ERC2: variants seen among roughly 807,000 people sequenced by gnomAD.
ERC2 encodes the protein ELKS/RAB6-interacting/CAST family member 2.
In ERC2, 42 loss-of-function variants were observed where a neutral mutation model predicts 114.8. That is an observed-to-expected ratio of 0.37 (90% CI 0.29 to 0.47). The LOEUF is 0.47. Ranked by LOEUF, ERC2 falls within the 20% of genes least tolerant of loss-of-function variation. ERC2 has a pLI of 0.99. For synonymous variants in ERC2, 454 were observed against 425.5 expected, an observed-to-expected ratio of 1.07 and a Z score of -0.82; for missense variants, 939 against 1,150.7, an observed-to-expected ratio of 0.82 and a Z score of 2.66.
chr3:56,166,979 T>C (rs932492841), intron 4 of ERC2, among the ~76,000 whole-genome samples: 1 of 152,120 alleles, frequency 6.6e-6, no homozygotes, highest in Non-Finnish European at 1.5e-5. Flanking sequence ...AAATTTACAA[T>C]GTCTTCTCTC....
chr3:55,916,096 G>A lies in ERC2; in HGVS notation c.2404-27547C>T, dbSNP rs1486866658. Among the ~76,000 whole-genome samples, 4 of 152,140 alleles carry A rather than the reference G, an allele frequency of 2.6e-5. No homozygotes were observed. The East Asian group carries it at 7.7e-4, about 29-fold the overall frequency. ...GTCAAGCCAGGCCATTCTGAGAGGAGTGCTAAGTCCTTCAACCACTGCAGA... is the reference window on the plus strand; with the variant it reads ...GTCAAGCCAGGCCATTCTGAGAGGAATGCTAAGTCCTTCAACCACTGCAGA... On this transcript the variant is annotated intron_variant, in intron 13 of 17. Transcript: ENST00000288221.
At chr3:56,399,593 G>A (rs2060444062) in intron 2 of ERC2, among the ~76,000 whole-genome samples, 1 of 152,024 alleles carries the variant, frequency 6.6e-6, no homozygotes, top group Non-Finnish European at 1.5e-5. Flanking sequence ...ACTAGATAAA[G>A]AGTACTGCAG....
chr3:56,213,163 T>G (rs1342445229), intron 3 of ERC2, among the ~76,000 whole-genome samples: 5 of 152,132 alleles, frequency 3.3e-5, no homozygotes, highest in Middle Eastern at 3.4e-3. Flanking sequence ...CTTCGGAAAG[T>G]GGGTGCAGGA....
At chr3:55,555,458 C>G (rs2055537123) in intron 17 of ERC2, among the ~76,000 whole-genome samples, 1 of 152,116 alleles carries the variant, frequency 6.6e-6, no homozygotes, top group South Asian at 2.1e-4. Context: ...ATGCTTGGAG[C>G]GTCTTCCAGA....
chr3:56,104,585 C>A (rs2149812563), intron 6 of ERC2, among the ~76,000 whole-genome samples: 1 of 151,406 alleles, frequency 6.6e-6, no homozygotes, highest in Non-Finnish European at 1.5e-5. Context: ...GGTTATTGGG[C>A]TATGTGTCTT....
intron 14 of ERC2, among the ~76,000 whole-genome samples, chr3:55,765,688 T>A (rs2067728463): frequency 6.6e-6 from 1 of 152,134 alleles, no homozygotes; most frequent in Non-Finnish European, 1.5e-5. Flanking sequence ...GGCTATTACA[T>A]CATGCAGATA....
intron 12 of ERC2, among the ~76,000 whole-genome samples, chr3:55,982,146 C>G (rs2149506166): frequency 6.6e-6 from 1 of 152,266 alleles, no homozygotes; most frequent in South Asian, 2.1e-4. Flanking sequence ...GCTGGCAGGA[C>G]AGTTTTTCCC....
At chr3:56,270,806 C>T (rs1279256071) in intron 3 of ERC2, among the ~76,000 whole-genome samples, 3 of 152,006 alleles carry the variant, frequency 2.0e-5, no homozygotes, top group African/African-American at 7.2e-5. Context: ...AGTGAAACCC[C>T]GTCTCTACTA....
intron 14 of ERC2, among the ~76,000 whole-genome samples, chr3:55,735,588 T>A (rs1279131079): frequency 6.6e-6 from 1 of 152,208 alleles, no homozygotes. Flanking sequence ...TCCACCCTCA[T>A]GATCCTCATG....
chr3:56,281,668 C>G, intron 3 of ERC2, among the ~76,000 whole-genome samples: 1 of 152,090 alleles, frequency 6.6e-6, no homozygotes, highest in East Asian at 1.9e-4. Flanking sequence ...TACATGTAGA[C>G]TAACATTTAT....
At chr3:55,822,374 T>G (rs2060159145) in intron 14 of ERC2, among the ~76,000 whole-genome samples, 1 of 152,200 alleles carries the variant, frequency 6.6e-6, no homozygotes. Context: ...AATATAATCT[T>G]CAAGTTAGTC....
At chr3:56,364,177 C>T (rs1164032681) in intron 2 of ERC2, among the ~76,000 whole-genome samples, 1 of 152,058 alleles carries the variant, frequency 6.6e-6, no homozygotes, top group East Asian at 1.9e-4. Flanking sequence ...GTATGAAATA[C>T]CTGGAACAGG....
At chr3:55,635,963 G>A (rs189172845) in intron 17 of ERC2, among the ~76,000 whole-genome samples, 24 of 151,206 alleles carry the variant, frequency 1.6e-4, no homozygotes, top group South Asian at 1.3e-3. Context: ...TGCAACCTCC[G>A]CCTCTGGGTT....
chr3:55,965,937 A>G (rs2068722503), intron 12 of ERC2, among the ~76,000 whole-genome samples: 1 of 152,198 alleles, frequency 6.6e-6, no homozygotes, highest in Non-Finnish European at 1.5e-5. Flanking sequence ...CCCTGATTAA[A>G]TGAGAAGACA....
chr3:55,709,671 G>A (rs1340393539), intron 15 of ERC2, among the ~76,000 whole-genome samples: 1 of 152,216 alleles, frequency 6.6e-6, no homozygotes, highest in Non-Finnish European at 1.5e-5. Context: ...TTCTAAAGCA[G>A]AATGGAAGGG....
chr3:56,312,908 G>A (rs2056661423), intron 2 of ERC2, among the ~76,000 whole-genome samples: 1 of 147,560 alleles, frequency 6.8e-6, no homozygotes. Context: ...TCAAAGGCCT[G>A]TATCTTTTTC....
chr3:55,846,432 A>G (rs1399703022), intron 14 of ERC2, among the ~76,000 whole-genome samples: 1 of 152,098 alleles, frequency 6.6e-6, no homozygotes, highest in African/African-American at 2.4e-5. Context: ...TGTCTTTGCT[A>G]TTGTGTACAG....
chr3:55,849,629 T>C (rs370332876), intron 14 of ERC2, among the ~76,000 whole-genome samples: 2 of 152,192 alleles, frequency 1.3e-5, no homozygotes, highest in African/African-American at 4.8e-5. Context: ...TATCAACAAA[T>C]GCCCATGCCC....
intron 2 of ERC2, among the ~76,000 whole-genome samples, chr3:56,413,653 C>T (rs9863716): frequency 0.046 from 7,036 of 152,200 alleles, 408 homozygotes; most frequent in African/African-American, 0.13. Flanking sequence ...AAACTCCTAA[C>T]AAATTTATAT....
Sources: gnomAD v4.1 joint callset for allele counts (sites outside exome capture counted in the v4.1 genomes callset) on GRCh38, gnomAD v4.1.1 for gene constraint, MANE v1.5 for transcripts, NCBI Gene and HGNC (gene_info 2026-07-23, HGNC 2026-07-21) for gene names.